Variants in TECPR2 observed in about 807,000 individuals in gnomAD.
The protein encoded by TECPR2 is tectonin beta-propeller repeat containing 2.
In TECPR2, 65 loss-of-function variants were observed where a neutral mutation model predicts 138.1. The ratio of observed to expected loss-of-function variants is 0.47; its 90% confidence interval spans 0.39 to 0.58. TECPR2 has a LOEUF of 0.58. TECPR2 is among the 20% of genes least tolerant of loss of function. The pLI, the probability that TECPR2 is intolerant of heterozygous loss-of-function variation, is 0.00. For missense variants in TECPR2, 1,553 were observed against 1,824.5 expected, an observed-to-expected ratio of 0.85 and a Z score of 2.71; for synonymous variants, 746 against 749.8, an observed-to-expected ratio of 0.99 and a Z score of 0.08.
At position 102,444,944 on chromosome 14, in the gene TECPR2, CA is replaced by C. The variant is rs1371090795; in HGVS notation, c.2934-856del. ...TGGGTGACAGAGCAAGACTCCATCT[CA>C]AAAAACAGACAGACAAAAAAAAGCA... On this transcript the variant is annotated intron_variant, in intron 12 of 19. Transcript: ENST00000359520. Among the ~76,000 whole-genome samples the C allele has an allele frequency of 3.3e-5, 5 of 152,122 alleles. No individual in the cohort carries two copies. In the East Asian group the frequency reaches 7.7e-4, roughly 23 times the overall value.
Position 102,498,117 on chromosome 14 carries a change from G to A in TECPR2, c.4096G>A (p.Glu1366Lys). ...TGTCCCTGCAGTGACTGCGTCAGAT[G>A]AGCTGTGGGCTGTGGGCCCGCCCGG... ...VSCFTVTASD[E>K]LWAVGPPGYL... is the part of the protein sequence containing the mutation. The change falls in exon 20 of 20, where the codon GAG (glutamate) becomes AAG (lysine). Residue 1366 changes from glutamate to lysine, a missense_variant. Coordinates refer to ENST00000359520, the MANE Select transcript of TECPR2 (RefSeq NM_014844.5). 1 of 1,613,508 alleles carries A rather than the reference G, an allele frequency of 6.2e-7. No homozygotes were observed. Among genetic ancestry groups the A allele is most frequent in the Non-Finnish European group, 8.5e-7 (1 of 1,179,948 alleles).
At chr14:102,496,280 C>T (rs1891277327) in intron 17 of TECPR2, among the ~76,000 whole-genome samples, 1 of 152,210 alleles carries the variant, frequency 6.6e-6, no homozygotes, top group African/African-American at 2.4e-5. Context: ...GGCCCAGATC[C>T]TCCAGACAGT....
At chr14:102,441,678 G>C (rs1478048523) in intron 11 of TECPR2, among the ~76,000 whole-genome samples, 1 of 152,032 alleles carries the variant, frequency 6.6e-6, no homozygotes, top group Admixed American at 6.6e-5. Flanking sequence ...GTGACAGGGC[G>C]AGACTCCGTC....
chr14:102,467,406 C>A (rs1232623205), intron 17 of TECPR2, among the ~76,000 whole-genome samples: 1 of 146,548 alleles, frequency 6.8e-6, no homozygotes, highest in Non-Finnish European at 1.5e-5. Context: ...CTCACTACAA[C>A]CTCCGCCTAC....
Position 102,478,422 on chromosome 14 carries a change from T to C in TECPR2, c.3789+13133T>C, listed in dbSNP as rs1890815289. 5.9e-5 allele frequency among the ~76,000 whole-genome samples: 9 copies of C among 151,910 alleles called. No individual in the cohort carries two copies. In the South Asian group the frequency reaches 1.9e-3, roughly 32 times the overall value. On this transcript the variant is annotated intron_variant, in intron 17 of 19. Coordinates refer to ENST00000359520, the MANE Select transcript of TECPR2 (RefSeq NM_014844.5). ...TGGGCCGGGTGTGGTGGCTCATGCC[T>C]ATAATCCCAGCACTTTGGGAGGTCG... is the stretch of plus-strand genomic sequence containing the variant.
intron 7 of TECPR2, 118 bp from the exon 8 acceptor site, chr14:102,431,678 G>T: frequency 9.4e-7 from 1 of 1,067,056 alleles, no homozygotes; most frequent in South Asian, 1.7e-5. Flanking sequence ...GAATCATTCA[G>T]TTCTTTAGCT....
chr14:102,428,925 G>A (rs1357695197), intron 7 of TECPR2, among the ~76,000 whole-genome samples: 1 of 149,748 alleles, frequency 6.7e-6, no homozygotes, highest in African/African-American at 2.5e-5. Context: ...TCAGCTCACC[G>A]CAACCTCTGC....
chr14:102,416,351 C>A (rs1290935173), intron 5 of TECPR2, among the ~76,000 whole-genome samples: 3 of 152,152 alleles, frequency 2.0e-5, no homozygotes, highest in African/African-American at 2.4e-5. Flanking sequence ...AAACTCCCGA[C>A]CTCAGGTGAT....
At chr14:102,371,160 T>C (rs1302439327) in intron 1 of TECPR2, among the ~76,000 whole-genome samples, 1 of 152,158 alleles carries the variant, frequency 6.6e-6, no homozygotes, top group African/African-American at 2.4e-5. Context: ...ATTGTGCAGT[T>C]CTTCCTCGGT....
Position 102,443,555 on chromosome 14 carries a change from C to G in TECPR2, c.2753-92C>G. ...ATCATAAAAGAATATAGCAAAATACCAAAAAAGGAAAAATAAGCCAATAAC... is the reference window on the plus strand; with the variant it reads ...ATCATAAAAGAATATAGCAAAATACGAAAAAAGGAAAAATAAGCCAATAAC... On this transcript the variant is annotated intron_variant, in intron 11 of 19. Transcript: ENST00000359520. This position sits in a 1 kb window ranked among gnomAD's most constrained non-coding sequence, Gnocchi z 4.9. 1 of 1,256,732 alleles carries G rather than the reference C, an allele frequency of 8.0e-7. No individual in the cohort carries two copies. The highest frequency in any genetic ancestry group is 2.8e-5 in the East Asian group (1 of 36,046). The allele number at this position is 1,256,732 out of a possible 1,614,324, so 77.8% of individuals were successfully genotyped here.
Position 102,497,517 on chromosome 14 carries a change from G to A in TECPR2, c.3932-53G>A. The A allele has an allele frequency of 4.2e-6, 6 of 1,433,434 alleles. No homozygotes were observed. The African/African-American group carries it at 8.6e-5, about 21-fold the overall frequency. The allele number at this position is 1,433,434 out of a possible 1,614,324, so 88.8% of individuals were successfully genotyped here. A position where few individuals can be genotyped will look rare whatever the true frequency, so the allele number is the denominator to read the frequency against. ...GTCACAAGAGTCGGCTTGGGAAGCA[G>A]CGGCCCATCCCGTCCATGGCAGGGG... On this transcript the variant is annotated intron_variant, in intron 18 of 19. Transcript: ENST00000359520.
chr14:102,402,857 G>T (rs961803990), intron 2 of TECPR2, among the ~76,000 whole-genome samples: 3 of 152,118 alleles, frequency 2.0e-5, no homozygotes, highest in Admixed American at 6.6e-5. Flanking sequence ...TAGAATACCT[G>T]AGTAGATCTA....
intron 17 of TECPR2, among the ~76,000 whole-genome samples, chr14:102,488,318 C>CT (rs34478835): frequency 2.6e-4 from 37 of 139,978 alleles, no homozygotes; most frequent in Non-Finnish European, 3.9e-4. Flanking sequence ...TGTGCTCGGC[C>CT]TTTTTTTTTT....
chr14:102,391,769 A>G lies in TECPR2; in HGVS notation c.219+14829A>G, dbSNP rs556088594. On this transcript the variant is annotated intron_variant, in intron 2 of 19. Transcript: ENST00000359520. ...CCACTATACATGGGTGTCAGTGCCA[A>G]TAGTGCTTTGCTCTTGTATTATTGA... 7.2e-5 allele frequency among the ~76,000 whole-genome samples: 11 copies of G among 152,206 alleles called. No individual in the cohort carries two copies. In the East Asian group the frequency reaches 7.7e-4, roughly 11 times the overall value.
chr14:102,377,056 C>A lies in TECPR2; in HGVS notation c.219+116C>A, dbSNP rs1224121917. 6.8e-6 allele frequency: 7 copies of A among 1,032,270 alleles called. No homozygotes were observed. The South Asian group carries it at 9.2e-5, about 14-fold the overall frequency. The allele number at this position is 1,032,270 out of a possible 1,614,324, so 63.9% of individuals were successfully genotyped here. On this transcript the variant is annotated intron_variant, in intron 2 of 19. Transcript: ENST00000359520. ...GATTTGCCAGAATATGGCCTTAATA[C>A]CTCACCCAAACAATACTTTAAAACC... is the stretch of plus-strand genomic sequence containing the variant.
intron 1 of TECPR2, among the ~76,000 whole-genome samples, chr14:102,369,777 T>G (rs113173133): frequency 6.7e-6 from 1 of 148,274 alleles, no homozygotes; most frequent in South Asian, 2.2e-4. Context: ...CCGTCTCTAC[T>G]AAAAAAAACA....
At chr14:102,474,847 C>G (rs900700383) in intron 17 of TECPR2, among the ~76,000 whole-genome samples, 3 of 152,132 alleles carry the variant, frequency 2.0e-5, no homozygotes, top group Admixed American at 6.6e-5. Context: ...CCCCCTTCCC[C>G]CTGCCCCACA....
At chr14:102,495,106 T>C (rs1662563194) in intron 17 of TECPR2, among the ~76,000 whole-genome samples, 1 of 151,886 alleles carries the variant, frequency 6.6e-6, no homozygotes, top group South Asian at 2.1e-4. Flanking sequence ...CCCAGATTCT[T>C]GGGAAGCTGA....
intron 8 of TECPR2, among the ~76,000 whole-genome samples, chr14:102,432,693 A>T (rs1889538827): frequency 6.7e-6 from 1 of 149,594 alleles, no homozygotes; most frequent in Non-Finnish European, 1.5e-5. Context: ...CGCGCCTGGC[A>T]TAGTTTTTAG....
Sources: gnomAD v4.1 joint callset for allele counts (sites outside exome capture counted in the v4.1 genomes callset) on GRCh38, gnomAD v4.1.1 for gene constraint, Gnocchi (gnomAD v3.1) non-coding constraint, MANE v1.5 for transcripts, NCBI Gene and HGNC (gene_info 2026-07-23, HGNC 2026-07-21) for gene names.